The following TTC21B variants were observed in gnomAD, a reference collection of about 807,000 sequenced individuals.
TTC21B encodes the protein tetratricopeptide repeat protein 21B.
TTC21B carries 127 observed loss-of-function variants against 175.1 expected under a neutral mutation model. The ratio of observed to expected loss-of-function variants is 0.73; its 90% CI spans 0.63 to 0.84. The LOEUF is 0.84. TTC21B is among the 40% of genes least tolerant of loss of function. The pLI, the probability that TTC21B is intolerant of heterozygous loss-of-function variation, is 0.00. For missense variants in TTC21B, 1,561 were observed against 1,558.3 expected (o/e 1.00, Z -0.03); for synonymous variants, 524 against 524.5 (o/e 1.00, Z 0.01).
chr2:165,919,331 T>C lies in TTC21B; in HGVS notation c.1619A>G (p.Glu540Gly). 6.2e-7 allele frequency: 1 copy of C among 1,614,114 alleles called. No individual in the cohort carries two copies. The highest frequency in any genetic ancestry group is 8.5e-7 in the Non-Finnish European group (1 of 1,179,998). ...AGACTGAGAACACAATTTGACTTTTTCTTGAGACAAGTAAACCTGAGCTAG... is the reference window on the plus strand; with the variant it reads ...AGACTGAGAACACAATTTGACTTTTCCTTGAGACAAGTAAACCTGAGCTAG... ...LLLAQVYLSQEKVKLCSQSLE... is the reference protein window; with the variant it reads ...LLLAQVYLSQGKVKLCSQSLE... The change falls in exon 13 of 29, where the codon GAA (glutamate) becomes GGA (glycine). Residue 540 changes from glutamate to glycine, a missense_variant. Transcript: ENST00000243344.
intron 20 of TTC21B, 126 bp from the exon 21 acceptor site, chr2:165,900,006 G>GAAAA: frequency 4.3e-5 from 3 of 70,222 alleles, no homozygotes; most frequent in South Asian, 1.3e-4. Context: ...AAGTATAATA[G>GAAAA]ACAAAAAAAA....
At position 165,911,665 on chromosome 2, in the gene TTC21B, TA is replaced by T. The variant is rs368877172; in HGVS notation, c.2323-201del. ...TCACATGAAACAACTAATATATATA[TA>T]TATTTTTTTTTTTTGAGTCACAGTC... On this transcript the variant is annotated intron_variant, in intron 17 of 28. Transcript: ENST00000243344. 0.017 allele frequency among the ~76,000 whole-genome samples: 1,935 copies of T among 116,794 alleles called. 48 individuals are homozygous for T. The highest frequency in any genetic ancestry group is 0.049 in the African/African-American group (1,636 of 33,152). 76.6% of individuals were successfully genotyped at this position (116,794 alleles called of 152,430 possible). A position where few individuals can be genotyped will look rare whatever the true frequency, so the allele number is the denominator to read the frequency against.
At chr2:165,916,088 T>C (rs1686163069) in intron 14 of TTC21B, among the ~76,000 whole-genome samples, 1 of 152,108 alleles carries the variant, frequency 6.6e-6, no homozygotes, top group Non-Finnish European at 1.5e-5. Flanking sequence ...TTTGAGACCA[T>C]CCTGCATAAC....
rs921231844 is a variant in TTC21B, at chr2:165,925,063, T to A, written c.1387-385A>T. Reference sequence around the variant, plus strand: ...AGAGTCAAGGCAGTAAGTGTTCGAATTCTAGATTTGCCTTGTGATTTGCTC... The same window carrying A: ...AGAGTCAAGGCAGTAAGTGTTCGAAATCTAGATTTGCCTTGTGATTTGCTC... On this transcript the variant is annotated intron_variant, in intron 11 of 28. Coordinates refer to ENST00000243344, the MANE Select transcript of TTC21B (RefSeq NM_024753.5). Among the ~76,000 whole-genome samples the A allele has an allele frequency of 4.6e-5, 7 of 152,206 alleles. No individual in the cohort carries two copies. In the South Asian group the frequency reaches 1.4e-3, roughly 32 times the overall value.
Position 165,873,419 on chromosome 2 carries a change from C to T in TTC21B, c.*1336G>A, listed in dbSNP as rs571725698. ...ATAAAATTGAGGACTGTGTTTACTA[C>T]AATTTTAAGGAAAATTGAAAAAGAT... On this transcript the variant is annotated 3_prime_UTR_variant, in exon 29 of 29. Transcript: ENST00000243344. 3 of 152,186 alleles carry T rather than the reference C, an allele frequency of 2.0e-5. No homozygotes were observed. Among genetic ancestry groups the T allele is most frequent in the African/African-American group, 7.2e-5 (3 of 41,534 alleles). The allele number at this position is 152,186 out of a possible 1,614,324, so 9.4% of individuals were successfully genotyped here.
Position 165,943,358 on chromosome 2 carries a change from T to A in TTC21B, c.430-17A>T. On this transcript the variant is annotated splice_polypyrimidine_tract_variant and intron_variant, in intron 4 of 28. Transcript: ENST00000243344. ...AACGTGTCCCTGTAAAATGAATAAT[T>A]CTATTTTTACTTTTTTAGAAATGAG... The A allele has an allele frequency of 2.5e-6, 4 of 1,580,260 alleles. No individual in the cohort carries two copies. Among genetic ancestry groups the A allele is most frequent in the Non-Finnish European group, 8.7e-7 (1 of 1,152,968 alleles).
chr2:165,884,000 G>A lies in TTC21B; in HGVS notation c.3478C>T (p.Leu1160Phe). Reference protein sequence around the residue: ...AASEKEHIPALLGMATAYMIL... With the variant: ...AASEKEHIPAFLGMATAYMIL... ...ATATAAGCCGTTGCCATTCCCAAGAGCGCTGGGATATGCTCCTTCTATAAG... is the reference window on the plus strand; with the variant it reads ...ATATAAGCCGTTGCCATTCCCAAGAACGCTGGGATATGCTCCTTCTATAAG... The change falls in exon 26 of 29, where the codon CTC (leucine) becomes TTC (phenylalanine). Residue 1160 changes from leucine to phenylalanine, a missense_variant. Leu to Phe is a conservative substitution (Grantham distance 22). Transcript: ENST00000243344. 6.2e-7 allele frequency: 1 copy of A among 1,613,992 alleles called. No individual in the cohort carries two copies. Among genetic ancestry groups the A allele is most frequent in the Non-Finnish European group, 8.5e-7 (1 of 1,179,958 alleles).
At chr2:165,942,765 A>G (rs942089744) in intron 5 of TTC21B, among the ~76,000 whole-genome samples, 5 of 152,220 alleles carry the variant, frequency 3.3e-5, no homozygotes, top group Admixed American at 2.0e-4. Context: ...CTGGAAGTTC[A>G]TGCCCTAGCT....
rs1226844783 is a variant in TTC21B, at chr2:165,890,586, A to G, written c.3156T>C (p.Asp1052=). 1.2e-6 allele frequency: 2 copies of G among 1,613,798 alleles called. No individual in the cohort carries two copies. Among genetic ancestry groups the G allele is most frequent in the Non-Finnish European group, 1.7e-6 (2 of 1,179,766 alleles). ...ALRHFNKARK[D]RDWGQNALYN... ...AAAGGGCATTTTGGCCCCAGTCACG[A>G]TCTTTCCGAGCTTTATTAAAATGTC... Residue 1052 remains aspartate, a synonymous_variant, in exon 24 of 29, where the codon GAT becomes GAC. Coordinates refer to ENST00000243344, the MANE Select transcript of TTC21B (RefSeq NM_024753.5).
intron 18 of TTC21B, among the ~76,000 whole-genome samples, chr2:165,908,423 T>C (rs956562865): frequency 6.6e-6 from 1 of 152,174 alleles, no homozygotes; most frequent in African/African-American, 2.4e-5. Flanking sequence ...AAACAAACTC[T>C]GGTACGTGGT....
intron 13 of TTC21B, among the ~76,000 whole-genome samples, chr2:165,918,452 G>A (rs1388018353): frequency 6.6e-6 from 1 of 152,046 alleles, no homozygotes; most frequent in Non-Finnish European, 1.5e-5. Context: ...CCGCCACCAC[G>A]CCTGGCTACT....
At chr2:165,932,950 T>C in intron 7 of TTC21B, 23 bp downstream of exon 7, 1 of 1,599,604 alleles carries the variant, frequency 6.3e-7, no homozygotes, top group Non-Finnish European at 8.6e-7. Flanking sequence ...TATAGGAAAC[T>C]TAAATAATAC....
chr2:165,941,840 C>T (rs993349844), intron 5 of TTC21B, among the ~76,000 whole-genome samples: 4 of 151,862 alleles, frequency 2.6e-5, no homozygotes, highest in East Asian at 1.9e-4. Context: ...AATTTGTAGA[C>T]GTAGATTTAC....
intron 1 of TTC21B, among the ~76,000 whole-genome samples, chr2:165,951,311 G>A (rs1002513451): frequency 4.6e-5 from 7 of 152,086 alleles, no homozygotes; most frequent in African/African-American, 4.8e-5. Flanking sequence ...TTCTTACAAC[G>A]CCTCAGTCTG....
At chr2:165,933,412 G>A (rs1242324404) in intron 6 of TTC21B, among the ~76,000 whole-genome samples, 2 of 152,034 alleles carry the variant, frequency 1.3e-5, no homozygotes, top group Admixed American at 1.3e-4. Flanking sequence ...ATGCAAACCA[G>A]GGTCAAACAT....
Position 165,883,819 on chromosome 2 carries a change from A to G in TTC21B, c.3659T>C (p.Leu1220Ser), listed in dbSNP as rs1665979248. The G allele has an allele frequency of 1.2e-6, 2 of 1,613,908 alleles. No individual in the cohort carries two copies. The highest frequency in any genetic ancestry group is 1.1e-5 in the South Asian group (1 of 91,082). Residue 1220 changes from leucine to serine, a missense_variant, in exon 26 of 29, where the codon TTA (leucine) becomes TCA (serine). Physicochemically the swap from Leu to Ser is moderately radical, Grantham distance 145. Coordinates refer to ENST00000243344, the MANE Select transcript of TTC21B (RefSeq NM_024753.5). ...TCTATTATGACGCAGGCACCGTTTTAACAGGTCTTCTGCCATGTCATATTT... is the reference window on the plus strand; with the variant it reads ...TCTATTATGACGCAGGCACCGTTTTGACAGGTCTTCTGCCATGTCATATTT... Reference protein sequence around the residue: ...SAKYDMAEDLLKRCLRHNRSC... With the variant: ...SAKYDMAEDLSKRCLRHNRSC...
intron 12 of TTC21B, among the ~76,000 whole-genome samples, chr2:165,922,905 G>A (rs1253790703): frequency 6.6e-6 from 1 of 152,168 alleles, no homozygotes; most frequent in Non-Finnish European, 1.5e-5. Flanking sequence ...CTACTCAGCT[G>A]TAAAAAAGTA....
intron 23 of TTC21B, 65 bp downstream of exon 23, chr2:165,890,773 C>A (rs1685160610): frequency 6.4e-7 from 1 of 1,562,770 alleles, no homozygotes; most frequent in Non-Finnish European, 8.8e-7. Context: ...CAAAGAAAAG[C>A]TTATTCTACT....
At position 165,887,805 on chromosome 2, in the gene TTC21B, T is replaced by C. The variant is rs191944594; in HGVS notation, c.3459+474A>G. 1.9e-4 allele frequency among the ~76,000 whole-genome samples: 29 copies of C among 152,338 alleles called. No homozygotes were observed. The East Asian group carries it at 4.8e-3, about 25-fold the overall frequency. ...AAAAGATTGCAGGAGGTTATTTCAG[T>C]GTTGCTAAAGAATATCATTATTTGT... On this transcript the variant is annotated intron_variant, in intron 25 of 28. Coordinates refer to ENST00000243344, the MANE Select transcript of TTC21B (RefSeq NM_024753.5).
Sources: gnomAD v4.1 joint callset for allele counts (sites outside exome capture counted in the v4.1 genomes callset) on GRCh38, gnomAD v4.1.1 for gene constraint, MANE v1.5 for transcripts, NCBI Gene and HGNC (gene_info 2026-07-23, HGNC 2026-07-21) for gene names.